The following ZBTB8OS variants were observed in gnomAD, a reference collection of about 807,000 sequenced individuals.
The protein encoded by ZBTB8OS is tRNA splicing ligase complex subunit 1.
Under a neutral mutation model 29.3 loss-of-function variants are expected in ZBTB8OS, and 16 were observed. That is an observed-to-expected ratio of 0.55 (90% CI 0.37 to 0.83). The LOEUF (loss-of-function observed/expected upper bound fraction) is 0.83. Ranked by LOEUF, ZBTB8OS falls within the 40% of genes least tolerant of loss-of-function variation. ZBTB8OS has a pLI of 0.00. For synonymous variants in ZBTB8OS, 70 were observed against 64.6 expected (o/e 1.08, Z -0.40); for missense variants, 160 against 196.9 (o/e 0.81, Z 1.12).
chr1:32,628,551 C>G (rs1033907268), intron 5 of ZBTB8OS, among the ~76,000 whole-genome samples: 1 of 150,996 alleles, frequency 6.6e-6, no homozygotes, highest in African/African-American at 2.4e-5. Flanking sequence ...GCAGGAGAAT[C>G]GCTTGAGCCA....
At chr1:32,626,223 T>C (rs1040643923) in intron 6 of ZBTB8OS, among the ~76,000 whole-genome samples, 2 of 152,182 alleles carry the variant, frequency 1.3e-5, no homozygotes, top group Non-Finnish European at 2.9e-5. Context: ...GAAATATAAA[T>C]ACACAAATAT....
chr1:32,647,576 C>G (rs552102953), intron 1 of ZBTB8OS, among the ~76,000 whole-genome samples: 50 of 152,142 alleles, frequency 3.3e-4, no homozygotes, highest in Non-Finnish European at 6.2e-4. Context: ...ATATTTACAA[C>G]AGCTCCCCAT....
chr1:32,624,493 G>A (rs773984211), intron 6 of ZBTB8OS, among the ~76,000 whole-genome samples: 1 of 152,222 alleles, frequency 6.6e-6, no homozygotes, highest in Non-Finnish European at 1.5e-5. Flanking sequence ...GATTCATGGA[G>A]AGAAGGTAAA....
At chr1:32,646,305 GA>G (rs1256639253) in intron 1 of ZBTB8OS, among the ~76,000 whole-genome samples, 1 of 151,260 alleles carries the variant, frequency 6.6e-6, no homozygotes, top group Non-Finnish European at 1.5e-5. Context: ...TTGGGTGACA[GA>G]ATGAGACTGT....
intron 1 of ZBTB8OS, among the ~76,000 whole-genome samples, chr1:32,638,913 A>G (rs1337921486): frequency 6.6e-6 from 1 of 151,966 alleles, no homozygotes; most frequent in African/African-American, 2.4e-5. Context: ...GACTCCATCT[A>G]AAAAATAATA....
In ZBTB8OS at chr1:32,631,897, T is replaced by C; in HGVS notation, c.328-18A>G. 2 of 1,463,580 alleles carry C rather than the reference T, an allele frequency of 1.4e-6. No homozygotes were observed. The highest frequency in any genetic ancestry group is 1.3e-5 in the South Asian group (1 of 74,146). The allele number at this position is 1,463,580 out of a possible 1,614,324, so 90.7% of individuals were successfully genotyped here. A position where few individuals can be genotyped will look rare whatever the true frequency, so the allele number is the denominator to read the frequency against. Reference sequence around the variant, plus strand: ...TTCACTTCCTAGACAGGAAGAAAAATTTTTTAATTAAAAAAAGTTCATAAT... The same window carrying C: ...TTCACTTCCTAGACAGGAAGAAAAACTTTTTAATTAAAAAAAGTTCATAAT... On this transcript the variant is annotated intron_variant, in intron 4 of 6. Transcript: ENST00000468695.
intron 1 of ZBTB8OS, among the ~76,000 whole-genome samples, chr1:32,636,559 G>C (rs561870330): frequency 1.6e-4 from 24 of 151,938 alleles, no homozygotes; most frequent in Middle Eastern, 3.4e-3. Flanking sequence ...GCGTGGTGGC[G>C]CACACCTGTA....
At chr1:32,629,280 G>A (rs1410115246) in intron 5 of ZBTB8OS, among the ~76,000 whole-genome samples, 1 of 151,930 alleles carries the variant, frequency 6.6e-6, no homozygotes, top group East Asian at 1.9e-4. Context: ...GCCAGGCATG[G>A]TGGCATATGT....
chr1:32,625,040 A>G (rs1039380159), intron 6 of ZBTB8OS, among the ~76,000 whole-genome samples: 2 of 151,900 alleles, frequency 1.3e-5, no homozygotes, highest in African/African-American at 4.8e-5. Flanking sequence ...CCTGGCCAAC[A>G]TGGTGAAACC....
At chr1:32,638,953 A>G (rs1450061573) in intron 1 of ZBTB8OS, among the ~76,000 whole-genome samples, 1 of 152,060 alleles carries the variant, frequency 6.6e-6, no homozygotes, top group Non-Finnish European at 1.5e-5. Flanking sequence ...CATTTTATTG[A>G]ACATAAATTG....
At chr1:32,641,335 G>A (rs567483092) in intron 1 of ZBTB8OS, among the ~76,000 whole-genome samples, 3 of 140,546 alleles carry the variant, frequency 2.1e-5, no homozygotes, top group African/African-American at 5.3e-5. Context: ...GTGCAATGGC[G>A]CGATCTCAGC....
intron 1 of ZBTB8OS, among the ~76,000 whole-genome samples, chr1:32,648,520 A>G (rs1007586188): frequency 6.6e-6 from 1 of 152,200 alleles, no homozygotes; most frequent in Non-Finnish European, 1.5e-5. Context: ...TAGAACATCT[A>G]GGTATGTACA....
chr1:32,638,230 CTT>C (rs760775116), intron 1 of ZBTB8OS, among the ~76,000 whole-genome samples: 7 of 102,154 alleles, frequency 6.9e-5, no homozygotes, highest in East Asian at 3.0e-4. Context: ...CTCCAGAATT[CTT>C]TTTTTTTTTT....
At chr1:32,640,728 C>T (rs746566148) in intron 1 of ZBTB8OS, among the ~76,000 whole-genome samples, 21 of 151,780 alleles carry the variant, frequency 1.4e-4, no homozygotes, top group Non-Finnish European at 1.8e-4. Context: ...AGGCTGGTCT[C>T]GAACTTATGG....
intron 1 of ZBTB8OS, among the ~76,000 whole-genome samples, chr1:32,637,134 T>C (rs1333959826): frequency 6.6e-6 from 1 of 152,076 alleles, no homozygotes; most frequent in African/African-American, 2.4e-5. Flanking sequence ...CCCTTTAAAA[T>C]GCCCAGTCAT....
At chr1:32,634,217 T>C in intron 2 of ZBTB8OS, 145 bp from the exon 3 acceptor site, 2 of 571,520 alleles carry the variant, frequency 3.5e-6, no homozygotes, top group Non-Finnish European at 5.5e-6. Context: ...CCAGGTGCTT[T>C]TCTTTTTATT....
chr1:32,635,164 T>C (rs1002053075), intron 1 of ZBTB8OS, among the ~76,000 whole-genome samples: 18 of 152,042 alleles, frequency 1.2e-4, no homozygotes, highest in Admixed American at 1.0e-3. Flanking sequence ...AACTCCACAA[T>C]ATATGAGCTT....
intron 1 of ZBTB8OS, among the ~76,000 whole-genome samples, chr1:32,637,373 C>A (rs1446233350): frequency 6.6e-6 from 1 of 151,630 alleles, no homozygotes; most frequent in Non-Finnish European, 1.5e-5. Flanking sequence ...ACCAGCCTGG[C>A]CAGTATGATG....
chr1:32,646,578 C>T (rs555103206), intron 1 of ZBTB8OS, among the ~76,000 whole-genome samples: 160 of 151,302 alleles, frequency 1.1e-3, no homozygotes, highest in Admixed American at 2.0e-3. Flanking sequence ...TTAGTAGAGA[C>T]AGGGTTTCAC....
Sources: gnomAD v4.1 joint callset for allele counts (sites outside exome capture counted in the v4.1 genomes callset) on GRCh38, gnomAD v4.1.1 for gene constraint, MANE v1.5 for transcripts, NCBI Gene and HGNC (gene_info 2026-07-23, HGNC 2026-07-21) for gene names.